The following RARB variants were observed in gnomAD, a reference collection of about 807,000 sequenced individuals.
RARB encodes the protein retinoic acid receptor beta.
In RARB, 17 loss-of-function variants were observed where a neutral mutation model predicts 51.9. That is an observed-to-expected ratio of 0.33 (90% CI 0.22 to 0.49). RARB has a LOEUF of 0.49. Ranked by LOEUF, RARB falls within the 20% of genes least tolerant of loss-of-function variation. The pLI is 0.99. For missense variants in RARB, 369 were observed against 550.8 expected (o/e 0.67, Z 3.30); for synonymous variants, 215 against 195.4 (o/e 1.10, Z -0.84).
chr3:25,108,672 T>G (rs1015660052), intron 3 of RARB, among the ~76,000 whole-genome samples: 1 of 152,180 alleles, frequency 6.6e-6, no homozygotes, highest in Non-Finnish European at 1.5e-5. Flanking sequence ...TGCTATGGTG[T>G]TTTTGTATAG....
intron 7 of RARB, among the ~76,000 whole-genome samples, chr3:25,595,213 T>G (rs1170139050): frequency 6.6e-6 from 1 of 152,232 alleles, no homozygotes; most frequent in Admixed American, 6.5e-5. Flanking sequence ...GGTGCCTAGA[T>G]CCATATCACA....
intron 2 of RARB, among the ~76,000 whole-genome samples, chr3:24,901,699 A>T (rs137964599): frequency 6.6e-6 from 1 of 152,266 alleles, no homozygotes; most frequent in African/African-American, 2.4e-5. Context: ...TCCTTTCTCC[A>T]TGTAAGTTAT....
At chr3:25,051,664 A>T in intron 2 of RARB, among the ~76,000 whole-genome samples, 1 of 152,310 alleles carries the variant, frequency 6.6e-6, no homozygotes, top group East Asian at 1.9e-4. Flanking sequence ...TAGATGATAG[A>T]TAGATCAAGA....
intron 5 of RARB, among the ~76,000 whole-genome samples, chr3:25,284,109 G>C (rs141930485): frequency 6.6e-6 from 1 of 152,262 alleles, no homozygotes; most frequent in Admixed American, 6.5e-5. Flanking sequence ...TGCCATGCTG[G>C]AGAAGCCCAC....
Position 25,200,406 on chromosome 3 carries a change from G to C in RARB, c.178+25831G>C, listed in dbSNP as rs532783962. Among the ~76,000 whole-genome samples, 13 of 152,124 alleles carry C rather than the reference G, an allele frequency of 8.5e-5. No individual in the cohort carries two copies. The South Asian group carries it at 2.1e-3, about 24-fold the overall frequency. ...ATTCTGTAGGTTGCCTGTTCACTCT[G>C]ATGGTAGTTTCTTTTGCTGTGCAGA... is the stretch of plus-strand genomic sequence containing the variant. On this transcript the variant is annotated intron_variant, in intron 5 of 11. Transcript: ENST00000383772.
chr3:25,519,655 T>G (rs1698319816), intron 3 of RARB, among the ~76,000 whole-genome samples: 1 of 152,324 alleles, frequency 6.6e-6, no homozygotes, highest in East Asian at 1.9e-4. Context: ...CAAAAGTTAT[T>G]GCCACGTTTT....
rs1695936835 is a variant in RARB, at chr3:25,476,261, T to C, written c.306+14920T>C. On this transcript the variant is annotated intron_variant, in intron 2 of 7. Coordinates refer to ENST00000330688, the MANE Select transcript of RARB (RefSeq NM_000965.5). ...GCCAATGTTTACTCCTTTCTTCTGC[T>C]CTAAGAATTACAATGATTTTTTGTT... Among the ~76,000 whole-genome samples the C allele has an allele frequency of 2.0e-5, 3 of 152,206 alleles. No homozygotes were observed. The South Asian group carries it at 6.2e-4, about 32-fold the overall frequency.
chr3:25,100,875 A>G (rs1323912511), intron 3 of RARB, among the ~76,000 whole-genome samples: 1 of 152,226 alleles, frequency 6.6e-6, no homozygotes, highest in East Asian at 1.9e-4. Context: ...TTGGATCATT[A>G]CACTAAGGTT....
intron 5 of RARB, among the ~76,000 whole-genome samples, chr3:25,329,119 G>C (rs891106311): frequency 3.9e-5 from 6 of 152,208 alleles, no homozygotes; most frequent in African/African-American, 1.4e-4. Flanking sequence ...TGAACAAAAG[G>C]CAGCAGAAAC....
chr3:25,495,047 T>C (rs1037703550), intron 2 of RARB, among the ~76,000 whole-genome samples: 7 of 152,126 alleles, frequency 4.6e-5, no homozygotes, highest in Non-Finnish European at 1.0e-4. Context: ...GTCATACAGA[T>C]AGTAAGTGGC....
At chr3:25,551,743 C>T (rs1015927931) in intron 3 of RARB, among the ~76,000 whole-genome samples, 2 of 152,152 alleles carry the variant, frequency 1.3e-5, no homozygotes, top group Non-Finnish European at 2.9e-5. Flanking sequence ...GCTAGGGACA[C>T]TCCCAGAGAT....
intron 5 of RARB, among the ~76,000 whole-genome samples, chr3:25,214,928 T>G (rs974383702): frequency 6.6e-6 from 1 of 152,204 alleles, no homozygotes; most frequent in African/African-American, 2.4e-5. Context: ...GAAGCTATTT[T>G]TGAGGGTGCA....
intron 2 of RARB, among the ~76,000 whole-genome samples, chr3:24,993,663 C>G (rs1342234788): frequency 6.6e-6 from 1 of 152,090 alleles, no homozygotes; most frequent in Non-Finnish European, 1.5e-5. Context: ...CTATCCTTCC[C>G]TTCCCCCAAC....
intron 2 of RARB, among the ~76,000 whole-genome samples, chr3:25,021,503 T>C (rs1318635599): frequency 6.6e-6 from 1 of 151,838 alleles, no homozygotes; most frequent in Non-Finnish European, 1.5e-5. Context: ...GACAAGGAAG[T>C]GATAAGTAAA....
chr3:25,570,009 C>T (rs1019642090), intron 4 of RARB, 91 bp downstream of exon 4: 123 of 1,392,274 alleles, frequency 8.8e-5, no homozygotes, highest in South Asian at 5.6e-4. Context: ...CACACACACA[C>T]ACACACACAC....
At chr3:25,090,755 AT>A (rs1299700531) in intron 3 of RARB, among the ~76,000 whole-genome samples, 1 of 152,156 alleles carries the variant, frequency 6.6e-6, no homozygotes, top group African/African-American at 2.4e-5. Flanking sequence ...CTTTTAAACC[AT>A]AAGCAGGGAA....
At chr3:25,497,050 A>G (rs1697074619) in intron 2 of RARB, among the ~76,000 whole-genome samples, 1 of 151,946 alleles carries the variant, frequency 6.6e-6, no homozygotes, top group Admixed American at 6.5e-5. Context: ...ATGCCTGGCT[A>G]ATTTTGTATT....
intron 2 of RARB, among the ~76,000 whole-genome samples, chr3:24,951,949 G>A (rs546854984): frequency 2.6e-5 from 4 of 152,306 alleles, no homozygotes; most frequent in South Asian, 4.1e-4. Context: ...TATAGGAAAC[G>A]TAATACACCC....
chr3:25,554,036 A>G (rs913038250), intron 3 of RARB, among the ~76,000 whole-genome samples: 1 of 151,508 alleles, frequency 6.6e-6, no homozygotes, highest in Non-Finnish European at 1.5e-5. Context: ...GTGTAATGTC[A>G]TGTTAATCTG....
Sources: gnomAD v4.1 joint callset for allele counts (sites outside exome capture counted in the v4.1 genomes callset) on GRCh38, gnomAD v4.1.1 for gene constraint, MANE v1.5 for transcripts, NCBI Gene and HGNC (gene_info 2026-07-23, HGNC 2026-07-21) for gene names.